CC2D2B: variants seen among roughly 807,000 people sequenced by gnomAD.
The protein encoded by CC2D2B is coiled-coil and C2 domain containing 2B.
In CC2D2B, 128 loss-of-function variants were observed where a neutral mutation model predicts 161.2. The ratio of observed to expected loss-of-function variants is 0.79; its 90% CI spans 0.69 to 0.92. The LOEUF is 0.92. Ranked by LOEUF, CC2D2B falls within the 40% of genes least tolerant of loss-of-function variation. The pLI is 0.00. For synonymous variants in CC2D2B, 391 were observed against 449.8 expected (o/e 0.87, Z 1.65); for missense variants, 1,173 against 1,375.1 (o/e 0.85, Z 2.32).
intron 9 of CC2D2B, among the ~76,000 whole-genome samples, chr10:95,947,257 G>C (rs11188537): frequency 0.59 from 87,981 of 148,054 alleles, 26,807 homozygotes; most frequent in African/African-American, 0.67. Context: ...GGATTACAGG[G>C]ACCCATCACC....
intron 33 of CC2D2B, among the ~76,000 whole-genome samples, chr10:96,025,182 T>TAAA (rs1564684164): frequency 2.2e-4 from 3 of 13,576 alleles, no homozygotes; most frequent in African/African-American, 8.8e-4. Flanking sequence ...TATATATATA[T>TAAA]ATAAAAAAAA....
rs1278281991 is a variant in CC2D2B at position 95,927,285 on chromosome 10, A to T, written c.289A>T (p.Ile97Phe). ...ATTGGATGAAAGTCTTTCATTTTTC[A>T]TTCTGAGTGGTGAAGAAGGTTCAGC... ...VSLDESLSFFILSGEEGSALG... is the reference protein window; with the variant it reads ...VSLDESLSFFFLSGEEGSALG... Residue 97 changes from isoleucine to phenylalanine, a missense_variant, in exon 6 of 35, where the codon ATT becomes TTT. Transcript: ENST00000646931. The T allele has an allele frequency of 1.3e-6, 2 of 1,551,696 alleles. No individual in the cohort carries two copies. The highest frequency in any genetic ancestry group is 1.7e-6 in the Non-Finnish European group (2 of 1,146,814).
intron 2 of CC2D2B, among the ~76,000 whole-genome samples, chr10:95,917,477 C>T (rs923121469): frequency 3.4e-4 from 52 of 152,138 alleles, no homozygotes; most frequent in African/African-American, 1.1e-3. Context: ...GTCCATCCGT[C>T]CGTCTGTCTT....
intron 34 of CC2D2B, among the ~76,000 whole-genome samples, chr10:96,029,267 T>C (rs770706360): frequency 0.08 from 5,823 of 72,582 alleles, 280 homozygotes; most frequent in Middle Eastern, 0.14. Flanking sequence ...TATATATATA[T>C]ATATATATAT....
rs1590641616 is a variant in CC2D2B at position 95,965,983 on chromosome 10, T to C, written c.1338T>C (p.Asn446=). The C allele has an allele frequency of 8.4e-7, 1 of 1,197,112 alleles. No homozygotes were observed. 74.2% of individuals were successfully genotyped at this position (1,197,112 alleles called of 1,614,324 possible). A position where few individuals can be genotyped will look rare whatever the true frequency, so the allele number is the denominator to read the frequency against. ...EKKNEGKELK[N]GKKLESLSYL... ...AAAATGAAGGAAAAGAACTTAAGAA[T>C]GGGAAAAAACTGGAGGTATTTATAT... The change falls in exon 13 of 35, where the codon AAT becomes AAC. Residue 446 remains asparagine (N), a synonymous_variant. Coordinates refer to ENST00000646931, the MANE Select transcript of CC2D2B (RefSeq NM_001349008.3).
At chr10:95,938,968 G>A (rs1393509775) in intron 9 of CC2D2B, 43 bp downstream of exon 9, 5 of 653,808 alleles carry the variant, frequency 7.6e-6, no homozygotes, top group Non-Finnish European at 1.4e-5. Context: ...TAAAATTCTT[G>A]TAATATCAAT....
chr10:96,002,733 C>G (rs2078555272), intron 24 of CC2D2B, among the ~76,000 whole-genome samples: 1 of 152,162 alleles, frequency 6.6e-6, no homozygotes, highest in Non-Finnish European at 1.5e-5. Context: ...ACTCAACTAG[C>G]ATTTTTCAAT....
At chr10:95,924,416 T>G in intron 4 of CC2D2B, 26 bp downstream of exon 4, 1 of 1,303,196 alleles carries the variant, frequency 7.7e-7, no homozygotes, top group Non-Finnish European at 1.1e-6. Flanking sequence ...ATTTCCTGTT[T>G]TCAAATTTAC....
intron 6 of CC2D2B, among the ~76,000 whole-genome samples, chr10:95,936,196 A>G (rs1370437203): frequency 1.3e-5 from 2 of 152,146 alleles, no homozygotes; most frequent in Non-Finnish European, 2.9e-5. Flanking sequence ...GAGTGGGGCA[A>G]ATGGGCTTCT....
Position 96,004,215 on chromosome 10 carries a change from CA to C in CC2D2B, c.2914del (p.Ile972PhefsTer5). The C allele has an allele frequency of 6.5e-7, 1 of 1,533,568 alleles. No individual in the cohort carries two copies. Among genetic ancestry groups the C allele is most frequent in the South Asian group, 1.2e-5 (1 of 81,760 alleles). 95.0% of individuals were successfully genotyped at this position (1,533,568 alleles called of 1,614,324 possible). A position where few individuals can be genotyped will look rare whatever the true frequency, so the allele number is the denominator to read the frequency against. On this transcript the variant is annotated frameshift_variant, in exon 25 of 35. Transcript: ENST00000646931. LOFTEE classifies it high-confidence loss of function. ...AAATAAAAGATAACATATATATCAA[CA>C]TTTTTGATGAAATGATGACTGAAAA... The part of the protein sequence containing the change: ...SKIKDNIYIN[I>X]FDEMMTEKHE...
At chr10:95,928,393 T>C (rs75375260) in intron 6 of CC2D2B, among the ~76,000 whole-genome samples, 2,286 of 152,270 alleles carry the variant, frequency 0.015, 52 homozygotes, top group African/African-American at 0.052. Flanking sequence ...TGCTTAGCCC[T>C]GTACATGCAC....
intron 32 of CC2D2B, among the ~76,000 whole-genome samples, chr10:96,021,992 G>A (rs978032433): frequency 6.6e-6 from 1 of 152,142 alleles, no homozygotes; most frequent in African/African-American, 2.4e-5. Flanking sequence ...GGCTGTGGGG[G>A]AAGAAATCAA....
Position 95,911,340 on chromosome 10 carries a change from G to T in CC2D2B, c.17G>T (p.Arg6Ile). Residue 6 changes from arginine to isoleucine, a missense_variant, in exon 2 of 35, where the codon AGA becomes ATA. Around this residue, in one of 3 missense-constraint regions of CC2D2B, gnomAD observed 298 missense variants for 261.2 expected, o/e 1.14. Coordinates refer to ENST00000646931, the MANE Select transcript of CC2D2B (RefSeq NM_001349008.3). MKKSQ[R>I]EDIFKKMSEE... is the part of the protein sequence containing the mutation. ...AGGACCATCATGAAAAAATCTCAAAGAGAAGATATTTTTAAAAAGGTAAGG... is the reference window on the plus strand; with the variant it reads ...AGGACCATCATGAAAAAATCTCAAATAGAAGATATTTTTAAAAAGGTAAGG... The T allele has an allele frequency of 4.1e-6, 1 of 242,864 alleles. No individual in the cohort carries two copies. Among genetic ancestry groups the T allele is most frequent in the South Asian group, 1.6e-4 (1 of 6,424 alleles). The allele number at this position is 242,864 out of a possible 1,614,324, so 15.0% of individuals were successfully genotyped here. A position where few individuals can be genotyped will look rare whatever the true frequency, so the allele number is the denominator to read the frequency against.
At chr10:95,959,793 G>A (rs1490276501) in intron 11 of CC2D2B, among the ~76,000 whole-genome samples, 1 of 151,656 alleles carries the variant, frequency 6.6e-6, no homozygotes, top group Non-Finnish European at 1.5e-5. Flanking sequence ...CTAATATAAT[G>A]TGTTTGCAAA....
chr10:95,966,377 AT>A (rs993751570), intron 14 of CC2D2B, 75 bp downstream of exon 14: 1 of 535,510 alleles, frequency 1.9e-6, no homozygotes, highest in African/African-American at 2.0e-5. Context: ...ATAAAGTGGG[AT>A]TTCTTGGGTG....
intron 9 of CC2D2B, among the ~76,000 whole-genome samples, chr10:95,947,112 TA>T (rs1339859149): frequency 0.015 from 522 of 35,676 alleles, 4 homozygotes; most frequent in African/African-American, 0.056. Flanking sequence ...TATATATATA[TA>T]TTTTTTTTTT....
At chr10:95,928,266 A>G (rs186835612) in intron 6 of CC2D2B, among the ~76,000 whole-genome samples, 3 of 152,310 alleles carry the variant, frequency 2.0e-5, no homozygotes, top group East Asian at 3.9e-4. Context: ...TTGAACAAGT[A>G]AAACATACAC....
intron 2 of CC2D2B, among the ~76,000 whole-genome samples, chr10:95,916,374 G>GT (rs1768192063): frequency 6.6e-6 from 1 of 151,598 alleles, no homozygotes; most frequent in Admixed American, 6.6e-5. Flanking sequence ...TTGGTGTTTT[G>GT]TATTTTTTTA....
chr10:96,030,595 T>C (rs1463708174), intron 34 of CC2D2B, among the ~76,000 whole-genome samples: 1 of 152,148 alleles, frequency 6.6e-6, no homozygotes, highest in African/African-American at 2.4e-5. Flanking sequence ...CTTTGCTTTA[T>C]TTTAAAGCTT....
Sources: allele counts gnomAD v4.1 joint callset (sites outside exome capture counted in the v4.1 genomes callset), GRCh38; gene constraint gnomAD v4.1.1; regional missense constraint gnomAD v4.1.1; transcripts MANE v1.5; gene names NCBI Gene and HGNC (gene_info 2026-07-23, HGNC 2026-07-21).